ARHGAP26: variants seen among roughly 807,000 people sequenced by gnomAD.
The protein encoded by ARHGAP26 is Rho GTPase activating protein 26, also known as rho GTPase-activating protein 26.
In ARHGAP26, 38 loss-of-function variants were observed where a neutral mutation model predicts 104.8. That is an observed-to-expected ratio of 0.36 (90% CI 0.28 to 0.48). The LOEUF is 0.48. Among genes scored for constraint, ARHGAP26 ranks in the 20% least tolerant of loss-of-function variants. The pLI is 0.99. For missense variants in ARHGAP26, 704 were observed against 947.9 expected (o/e 0.74, Z 3.38); for synonymous variants, 341 against 340.0 (o/e 1.00, Z -0.03).
intron 17 of ARHGAP26, among the ~76,000 whole-genome samples, chr5:143,086,579 G>A (rs542792240): frequency 6.6e-6 from 1 of 152,326 alleles, no homozygotes; most frequent in Non-Finnish European, 1.5e-5. Flanking sequence ...TTCTAATCCT[G>A]GGTTCCTTTC....
intron 10 of ARHGAP26, among the ~76,000 whole-genome samples, chr5:142,922,986 G>A (rs996901321): frequency 3.3e-5 from 5 of 152,122 alleles, no homozygotes; most frequent in Non-Finnish European, 7.3e-5. Flanking sequence ...GTTGGGAGAC[G>A]ATACCATAGT....
intron 1 of ARHGAP26, among the ~76,000 whole-genome samples, chr5:142,804,330 A>G (rs1762591277): frequency 6.6e-6 from 1 of 152,162 alleles, no homozygotes; most frequent in Admixed American, 6.5e-5. Flanking sequence ...GACTAGGGTG[A>G]ATGAAATATG....
intron 22 of ARHGAP26, among the ~76,000 whole-genome samples, chr5:143,214,664 C>T (rs1041984524): frequency 4.6e-5 from 7 of 152,256 alleles, no homozygotes; most frequent in African/African-American, 7.2e-5. Flanking sequence ...ACTGTAGTCA[C>T]GTCCACAGGG....
intron 11 of ARHGAP26, among the ~76,000 whole-genome samples, chr5:142,988,254 C>A (rs1719381924): frequency 1.3e-5 from 2 of 152,166 alleles, no homozygotes; most frequent in Non-Finnish European, 2.9e-5. Context: ...TCCATTTCTT[C>A]TAGATTTTCT....
intron 12 of ARHGAP26, among the ~76,000 whole-genome samples, chr5:143,032,429 G>A (rs563164574): frequency 6.6e-6 from 1 of 152,320 alleles, no homozygotes; most frequent in East Asian, 1.9e-4. Context: ...ATTATTGCTG[G>A]AGATTATAGG....
At chr5:142,890,377 A>G (rs1481868232) in intron 5 of ARHGAP26, among the ~76,000 whole-genome samples, 1 of 151,194 alleles carries the variant, frequency 6.6e-6, no homozygotes, top group Non-Finnish European at 1.5e-5. Flanking sequence ...GTTAGAGGAC[A>G]GGAAGGAGAT....
chr5:142,983,609 T>A (rs890593441), intron 11 of ARHGAP26, among the ~76,000 whole-genome samples: 2 of 152,248 alleles, frequency 1.3e-5, no homozygotes, highest in African/African-American at 4.8e-5. Flanking sequence ...ATGCAGATTT[T>A]CACGCATTTT....
chr5:142,924,512 A>G (rs927016105), intron 10 of ARHGAP26, among the ~76,000 whole-genome samples: 2 of 152,262 alleles, frequency 1.3e-5, no homozygotes, highest in Non-Finnish European at 2.9e-5. Context: ...TGAAGAATGA[A>G]TGATAATACA....
intron 1 of ARHGAP26, among the ~76,000 whole-genome samples, chr5:142,812,103 A>G (rs182622922): frequency 8.4e-4 from 128 of 151,768 alleles, no homozygotes; most frequent in Middle Eastern, 3.4e-3. Context: ...CACCCCGTCT[A>G]CTGCCTTTTC....
intron 17 of ARHGAP26, 91 bp from the exon 18 acceptor site, chr5:143,120,897 A>G (rs1796050924): frequency 1.5e-6 from 2 of 1,335,322 alleles, no homozygotes; most frequent in Non-Finnish European, 2.0e-6. Context: ...TGAGGAGTCT[A>G]TAAATAGGAA....
intron 11 of ARHGAP26, among the ~76,000 whole-genome samples, chr5:143,010,079 A>G (rs1778534959): frequency 6.6e-6 from 1 of 152,232 alleles, no homozygotes. Flanking sequence ...GTCTGATGCT[A>G]GTGGGCAACT....
intron 11 of ARHGAP26, among the ~76,000 whole-genome samples, chr5:142,967,166 T>C (rs1771509052): frequency 6.6e-6 from 1 of 152,198 alleles, no homozygotes; most frequent in Non-Finnish European, 1.5e-5. Flanking sequence ...GTAATGTTTT[T>C]ATTGGAAGTA....
chr5:143,035,536 G>A (rs941543787), intron 12 of ARHGAP26, among the ~76,000 whole-genome samples: 1 of 152,112 alleles, frequency 6.6e-6, no homozygotes, highest in African/African-American at 2.4e-5. Flanking sequence ...GGGGACGTGG[G>A]GGAAAGGATG....
chr5:142,999,622 TA>T lies in ARHGAP26; in HGVS notation c.1108-14451del, dbSNP rs536494277. Among the ~76,000 whole-genome samples the T allele has an allele frequency of 8.6e-5, 13 of 152,016 alleles. No homozygotes were observed. The East Asian group carries it at 1.4e-3, about 16-fold the overall frequency. ...TTTTCTTTCTGGCTGCTGTGGGGGTTAAAAAAATATCAAGGTAGGTTATAAA... is the reference window on the plus strand; with the variant it reads ...TTTTCTTTCTGGCTGCTGTGGGGGTTAAAAAATATCAAGGTAGGTTATAAA... On this transcript the variant is annotated intron_variant, in intron 11 of 22. Coordinates refer to ENST00000645722, the MANE Select transcript of ARHGAP26 (RefSeq NM_001135608.3).
At chr5:142,798,747 T>C (rs1241252572) in intron 1 of ARHGAP26, among the ~76,000 whole-genome samples, 1 of 152,212 alleles carries the variant, frequency 6.6e-6, no homozygotes, top group Non-Finnish European at 1.5e-5. Context: ...AACAGTTATA[T>C]ATCCCTCCCC....
rs765555038 is a variant in ARHGAP26 at position 143,207,188 on chromosome 5, T to C, written c.1989-10T>C. On this transcript the variant is annotated splice_polypyrimidine_tract_variant and intron_variant, in intron 20 of 22. Transcript: ENST00000645722. Reference sequence around the variant, plus strand: ...GTGCTGACAAGTTTTCTGGTTGTTATGTCTTGCAGCCCCCCGAATCCAAGC... The same window carrying C: ...GTGCTGACAAGTTTTCTGGTTGTTACGTCTTGCAGCCCCCCGAATCCAAGC... 8.1e-6 allele frequency: 13 copies of C among 1,611,178 alleles called. No homozygotes were observed. The highest frequency in any genetic ancestry group is 9.3e-6 in the Non-Finnish European group (11 of 1,178,256).
chr5:142,793,643 A>G (rs1760341248), intron 1 of ARHGAP26, among the ~76,000 whole-genome samples: 1 of 152,040 alleles, frequency 6.6e-6, no homozygotes, highest in African/African-American at 2.4e-5. Context: ...GCTGGAGTGC[A>G]GTGGCATGAT....
chr5:142,771,328 G>GA, intron 1 of ARHGAP26: 2 of 1,232,628 alleles, frequency 1.6e-6, no homozygotes, highest in African/African-American at 3.1e-5. Flanking sequence ...CCAACCGTGA[G>GA]AATGGAGCGT....
rs372285895 is a variant in ARHGAP26 at position 142,815,344 on chromosome 5, A to G, written c.154+44429A>G. Among the ~76,000 whole-genome samples, 6 of 152,296 alleles carry G rather than the reference A, an allele frequency of 3.9e-5. No homozygotes were observed. In the South Asian group the frequency reaches 6.2e-4, roughly 16 times the overall value. On this transcript the variant is annotated intron_variant, in intron 1 of 22. Coordinates refer to ENST00000645722, the MANE Select transcript of ARHGAP26 (RefSeq NM_001135608.3). ...GTGTGAACCACCATGCCTGGCCAGA[A>G]TTACATAATTTTTATGCTTGCTTTT...
Sources: gnomAD v4.1 joint callset for allele counts (sites outside exome capture counted in the v4.1 genomes callset) on GRCh38, gnomAD v4.1.1 for gene constraint, MANE v1.5 for transcripts, NCBI Gene and HGNC (gene_info 2026-07-23, HGNC 2026-07-21) for gene names.